Variants in LOXHD1 observed in about 807,000 individuals in gnomAD.
LOXHD1 encodes the protein lipoxygenase homology domain-containing protein 1.
LOXHD1 carries 205 observed loss-of-function variants against 248.2 expected under a neutral mutation model. The observed-to-expected ratio is 0.83, with a 90% CI of 0.74 to 0.93. The LOEUF (loss-of-function observed/expected upper bound fraction) is 0.93, where lower values mean the gene tolerates loss of function less well. Among genes scored for constraint, LOXHD1 ranks in the 40% least tolerant of loss-of-function variants. The pLI is 0.00. For synonymous variants in LOXHD1, 1,113 were observed against 1,162.8 expected, an observed-to-expected ratio of 0.96 and a Z score of 0.87; for missense variants, 2,930 against 2,971.6, an observed-to-expected ratio of 0.99 and a Z score of 0.33.
At position 46,546,953 on chromosome 18, in the gene LOXHD1, C is replaced by T. The variant is rs1187702020; in HGVS notation, c.3456G>A (p.Glu1152=). 6.4e-7 allele frequency: 1 copy of T among 1,551,738 alleles called. No individual in the cohort carries two copies. Among genetic ancestry groups the T allele is most frequent in the South Asian group, 1.2e-5 (1 of 84,064 alleles). ...VDESYVLPQS[E]EGRGGGDNNP... ...TGTTGTCACCGCCTCCCCTACCCTC[C>T]TCGCTCTGTGGCAGCACATAGGACT... Residue 1152 remains glutamate (E), a synonymous_variant, in exon 22 of 41, where the codon GAG becomes GAA. Coordinates refer to ENST00000642948, the MANE Select transcript of LOXHD1 (RefSeq NM_001384474.1).
rs79359693 is a variant in LOXHD1, at chr18:46,617,168, T to C, written c.610+1024A>G. Among the ~76,000 whole-genome samples the C allele has an allele frequency of 5.0e-3, 755 of 152,314 alleles. 21 individuals carry two copies. In the East Asian group the frequency reaches 0.073, roughly 15 times the overall value. On this transcript the variant is annotated intron_variant, in intron 5 of 40. Coordinates refer to ENST00000642948, the MANE Select transcript of LOXHD1 (RefSeq NM_001384474.1). ...CCCAAATCACACTTGTAGTGTTAAA[T>C]CAAACCTCAAGCCCACATGCAGTGC...
chr18:46,627,118 A>G (rs565519361), intron 4 of LOXHD1, among the ~76,000 whole-genome samples: 36 of 152,198 alleles, frequency 2.4e-4, no homozygotes, highest in Non-Finnish European at 4.6e-4. Flanking sequence ...TCAATACTTG[A>G]GTAGGTCATG....
intron 18 of LOXHD1, among the ~76,000 whole-genome samples, chr18:46,561,271 T>C (rs1342891040): frequency 6.6e-6 from 1 of 152,142 alleles, no homozygotes; most frequent in Non-Finnish European, 1.5e-5. Flanking sequence ...CCCTCTTGAT[T>C]ATGAGTTCCT....
chr18:46,576,308 G>T (rs1181358206), intron 14 of LOXHD1, among the ~76,000 whole-genome samples: 1 of 152,106 alleles, frequency 6.6e-6, no homozygotes, highest in East Asian at 1.9e-4. Context: ...GACTTGAAGC[G>T]AGGCTGTACT....
Position 46,656,901 on chromosome 18 carries a change from C to G in LOXHD1, c.130+3G>C. On this transcript the variant is annotated splice_donor_region_variant and intron_variant, in intron 1 of 40. Transcript: ENST00000642948. ...CCGCCCCCCGCAGGCTGGGACCCCG[C>G]ACCTCTGGCCTTGTAGTACTCGTGT... 2.6e-6 allele frequency: 4 copies of G among 1,551,436 alleles called. No individual in the cohort carries two copies. Among genetic ancestry groups the G allele is most frequent in the Non-Finnish European group, 3.5e-6 (4 of 1,146,796 alleles).
At chr18:46,568,096 T>G (rs2037679537) in intron 16 of LOXHD1, among the ~76,000 whole-genome samples, 1 of 152,180 alleles carries the variant, frequency 6.6e-6, no homozygotes, top group Admixed American at 6.5e-5. Context: ...TATAAATGAC[T>G]AACATGAGAT....
chr18:46,534,859 T>G (rs1227069620), intron 26 of LOXHD1, among the ~76,000 whole-genome samples: 1 of 152,164 alleles, frequency 6.6e-6, no homozygotes, highest in Non-Finnish European at 1.5e-5. Context: ...CCCAGGCCCC[T>G]AAGAGTCCCC....
intron 40 of LOXHD1, among the ~76,000 whole-genome samples, chr18:46,481,913 T>C (rs1388754504): frequency 6.6e-6 from 1 of 152,098 alleles, no homozygotes; most frequent in African/African-American, 2.4e-5. Context: ...TTAAGGGTAA[T>C]GTGAGGGTGA....
At chr18:46,650,970 ATG>A (rs1374563353) in intron 1 of LOXHD1, among the ~76,000 whole-genome samples, 1 of 152,238 alleles carries the variant, frequency 6.6e-6, no homozygotes, top group Non-Finnish European at 1.5e-5. Flanking sequence ...ATTAGAGATG[ATG>A]TATGAAAAGC....
chr18:46,655,728 A>T (rs926313522), intron 1 of LOXHD1, among the ~76,000 whole-genome samples: 2 of 152,160 alleles, frequency 1.3e-5, no homozygotes, highest in Non-Finnish European at 2.9e-5. Context: ...TAAGCCCAGG[A>T]CTGTGCAGGG....
chr18:46,565,880 G>A lies in LOXHD1; in HGVS notation c.2437+377C>T, dbSNP rs539638455. Among the ~76,000 whole-genome samples, 3 of 150,938 alleles carry A rather than the reference G, an allele frequency of 2.0e-5. No homozygotes were observed. The South Asian group carries it at 6.3e-4, about 31-fold the overall frequency. On this transcript the variant is annotated intron_variant, in intron 17 of 40. Coordinates refer to ENST00000642948, the MANE Select transcript of LOXHD1 (RefSeq NM_001384474.1). ...CCCATGGATGTGGAGGGCTGACTGT[G>A]TATTTTTTTTTGAATAAATGAATGA...
At chr18:46,517,552 G>A (rs1203596293) in intron 34 of LOXHD1, among the ~76,000 whole-genome samples, 1 of 152,174 alleles carries the variant, frequency 6.6e-6, no homozygotes, top group East Asian at 1.9e-4. Flanking sequence ...TGTTAGTGTT[G>A]CTGTTATTGC....
intron 12 of LOXHD1, among the ~76,000 whole-genome samples, chr18:46,580,877 T>C (rs923377349): frequency 1.3e-5 from 2 of 152,112 alleles, no homozygotes; most frequent in Non-Finnish European, 2.9e-5. Context: ...CTGATGTATG[T>C]TCCAGGAGCA....
chr18:46,568,570 G>C (rs2037688405), intron 16 of LOXHD1, among the ~76,000 whole-genome samples: 1 of 152,158 alleles, frequency 6.6e-6, no homozygotes, highest in South Asian at 2.1e-4. Flanking sequence ...CCTGAGGGTA[G>C]GGCTTCTGTC....
At chr18:46,528,829 C>T (rs2144214912) in intron 29 of LOXHD1, among the ~76,000 whole-genome samples, 2 of 152,348 alleles carry the variant, frequency 1.3e-5, no homozygotes, top group East Asian at 3.9e-4. Flanking sequence ...CCCTGCCATT[C>T]TGCAGTGTTC....
chr18:46,619,794 G>A (rs932214181), intron 4 of LOXHD1, among the ~76,000 whole-genome samples: 5 of 152,262 alleles, frequency 3.3e-5, no homozygotes, highest in East Asian at 1.9e-4. Context: ...AGGCAGCAGC[G>A]GTCAGTGCCT....
intron 17 of LOXHD1, among the ~76,000 whole-genome samples, chr18:46,565,020 T>C (rs1202868955): frequency 2.6e-5 from 4 of 151,898 alleles, no homozygotes; most frequent in Non-Finnish European, 4.4e-5. Context: ...TGCTAGCACT[T>C]TGGGAGCCCA....
chr18:46,573,497 C>T (rs1356481354), intron 14 of LOXHD1, among the ~76,000 whole-genome samples: 4 of 152,230 alleles, frequency 2.6e-5, no homozygotes, highest in African/African-American at 7.2e-5. Flanking sequence ...ACCAAACCAC[C>T]TCCCATTTGT....
chr18:46,554,660 G>A (rs963063225), intron 21 of LOXHD1, among the ~76,000 whole-genome samples: 4 of 151,918 alleles, frequency 2.6e-5, no homozygotes, highest in East Asian at 1.9e-4. Context: ...GGAGGGAAGA[G>A]GAGATGAGGG....
Sources: gnomAD v4.1 joint callset for allele counts (sites outside exome capture counted in the v4.1 genomes callset) on GRCh38, gnomAD v4.1.1 for gene constraint, MANE v1.5 for transcripts, NCBI Gene and HGNC (gene_info 2026-07-23, HGNC 2026-07-21) for gene names.